Variants in PHACTR1 observed in about 807,000 individuals in gnomAD.
PHACTR1 encodes phosphatase and actin regulator 1.
Under a neutral mutation model 69.2 loss-of-function variants are expected in PHACTR1, and 16 were observed. That is an observed-to-expected ratio of 0.23 (90% CI 0.16 to 0.35). The LOEUF (loss-of-function observed/expected upper bound fraction) is 0.35, where lower values mean the gene tolerates loss of function less well. Ranked by LOEUF, PHACTR1 falls within the 10% of genes least tolerant of loss-of-function variation. The pLI, the probability that PHACTR1 is intolerant of heterozygous loss-of-function variation, is 1.00. For missense variants in PHACTR1, 510 were observed against 734.7 expected (o/e 0.69, Z 3.54); for synonymous variants, 312 against 284.5 (o/e 1.10, Z -0.97).
chr6:12,758,606 G>T lies in PHACTR1; in HGVS notation c.250+8816G>T, dbSNP rs114253633. Among the ~76,000 whole-genome samples the T allele has an allele frequency of 3.7e-3, 562 of 151,952 alleles. 5 individuals are homozygous for T. The highest frequency in any genetic ancestry group is 0.017 in the Middle Eastern group (5 of 294). ...TATCCACGTGGAAATAAATCACAGA[G>T]AAGTTACATGACATAGTGAAGGTAC... On this transcript the variant is annotated intron_variant, in intron 4 of 14. Transcript: ENST00000332995.
intron 4 of PHACTR1, among the ~76,000 whole-genome samples, chr6:12,906,546 T>C (rs1785752735): frequency 6.6e-6 from 1 of 152,194 alleles, no homozygotes; most frequent in South Asian, 2.1e-4. Flanking sequence ...TCCTTTAAAA[T>C]CCAAAATTAA....
At chr6:13,232,088 T>A (rs1354685499) in intron 10 of PHACTR1, among the ~76,000 whole-genome samples, 1 of 152,240 alleles carries the variant, frequency 6.6e-6, no homozygotes, top group Non-Finnish European at 1.5e-5. Flanking sequence ...TACCTGTGTT[T>A]CTGCATATGT....
intron 4 of PHACTR1, among the ~76,000 whole-genome samples, chr6:12,908,690 A>G (rs539761985): frequency 6.6e-6 from 1 of 152,126 alleles, no homozygotes; most frequent in Admixed American, 6.5e-5. Context: ...GTGGTCCTCC[A>G]CAAAGAGGGA....
intron 7 of PHACTR1, among the ~76,000 whole-genome samples, chr6:13,191,380 G>A (rs755055480): frequency 5.3e-5 from 8 of 152,134 alleles, no homozygotes; most frequent in African/African-American, 9.7e-5. Flanking sequence ...CAGGAGGCAC[G>A]GCTCACCACA....
intron 8 of PHACTR1, among the ~76,000 whole-genome samples, chr6:13,210,987 C>T (rs1455276605): frequency 3.2e-5 from 4 of 124,198 alleles, no homozygotes; most frequent in African/African-American, 9.4e-5. Flanking sequence ...TGCATTTTTT[C>T]CCCATTTTTG....
intron 4 of PHACTR1, among the ~76,000 whole-genome samples, chr6:12,779,478 A>T (rs1770538010): frequency 6.6e-6 from 1 of 151,938 alleles, no homozygotes; most frequent in Admixed American, 6.6e-5. Context: ...ATTAAAGCAA[A>T]AGCTTTGGGA....
chr6:13,070,810 T>TA (rs34885772), intron 5 of PHACTR1, among the ~76,000 whole-genome samples: 36,721 of 151,322 alleles, frequency 0.24, 4,815 homozygotes, highest in South Asian at 0.4. Context: ...TTTGCCTGCT[T>TA]AAAAAAAACA....
intron 5 of PHACTR1, among the ~76,000 whole-genome samples, chr6:13,102,605 A>G (rs774789730): frequency 2.6e-5 from 4 of 152,222 alleles, no homozygotes; most frequent in Admixed American, 6.5e-5. Flanking sequence ...GTAACATTAC[A>G]GAGCAACCAA....
chr6:13,152,978 T>C (rs1408339292), intron 5 of PHACTR1, among the ~76,000 whole-genome samples: 1 of 152,160 alleles, frequency 6.6e-6, no homozygotes, highest in Non-Finnish European at 1.5e-5. Context: ...AGTCATCTAG[T>C]ACCGGCCCTG....
chr6:12,784,499 T>C (rs1243588927), intron 4 of PHACTR1, among the ~76,000 whole-genome samples: 1 of 151,366 alleles, frequency 6.6e-6, no homozygotes, highest in Non-Finnish European at 1.5e-5. Flanking sequence ...TACACACATA[T>C]ATACATATGT....
intron 5 of PHACTR1, among the ~76,000 whole-genome samples, 196 bp from the exon 6 acceptor site, chr6:13,160,008 A>G (rs886120533): frequency 1.3e-5 from 2 of 152,238 alleles, no homozygotes; most frequent in South Asian, 2.1e-4. Context: ...CTTAAATGAC[A>G]TCATCTGATT....
At chr6:13,001,952 T>A (rs775327010) in intron 4 of PHACTR1, among the ~76,000 whole-genome samples, 1 of 152,212 alleles carries the variant, frequency 6.6e-6, no homozygotes, top group Non-Finnish European at 1.5e-5. Flanking sequence ...TGATTTGGAT[T>A]TGAACTGTGA....
chr6:13,223,157 C>T (rs1354347382), intron 8 of PHACTR1, among the ~76,000 whole-genome samples: 1 of 152,062 alleles, frequency 6.6e-6, no homozygotes, highest in Non-Finnish European at 1.5e-5. Context: ...AAATACCGTA[C>T]TGACTTAAAA....
chr6:12,985,338 C>G (rs532972466), intron 4 of PHACTR1, among the ~76,000 whole-genome samples: 12 of 151,994 alleles, frequency 7.9e-5, no homozygotes, highest in African/African-American at 2.7e-4. Flanking sequence ...TGCATGGGCT[C>G]AAATAGCAGG....
At chr6:13,204,107 C>T (rs542470923) in intron 7 of PHACTR1, among the ~76,000 whole-genome samples, 2 of 152,158 alleles carry the variant, frequency 1.3e-5, no homozygotes, top group South Asian at 2.1e-4. Flanking sequence ...CTGGGGGAAC[C>T]AGAGCAGACT....
At chr6:13,095,048 G>T (rs1194387984) in intron 5 of PHACTR1, among the ~76,000 whole-genome samples, 2 of 152,180 alleles carry the variant, frequency 1.3e-5, no homozygotes, top group Non-Finnish European at 2.9e-5. Flanking sequence ...AAGAGGTCAT[G>T]TGAATACACA....
intron 4 of PHACTR1, among the ~76,000 whole-genome samples, chr6:12,997,612 T>C (rs2127617099): frequency 6.6e-6 from 1 of 152,266 alleles, no homozygotes; most frequent in South Asian, 2.1e-4. Context: ...CATTTATCAT[T>C]TTTTGTGGCG....
At chr6:12,819,347 T>C (rs147787636) in intron 4 of PHACTR1, among the ~76,000 whole-genome samples, 1 of 152,342 alleles carries the variant, frequency 6.6e-6, no homozygotes, top group African/African-American at 2.4e-5. Flanking sequence ...CTCAGTTTGC[T>C]CTTTTGTTCC....
intron 4 of PHACTR1, among the ~76,000 whole-genome samples, chr6:12,971,200 G>T (rs549068289): frequency 3.8e-4 from 58 of 152,240 alleles, no homozygotes; most frequent in South Asian, 1.5e-3. Flanking sequence ...AACAAATCAG[G>T]GTCCCTCTTG....
Sources: gnomAD v4.1 joint callset for allele counts (sites outside exome capture counted in the v4.1 genomes callset) on GRCh38, gnomAD v4.1.1 for gene constraint, MANE v1.5 for transcripts, NCBI Gene and HGNC (gene_info 2026-07-23, HGNC 2026-07-21) for gene names.